The following DGKH variants were observed in gnomAD, a reference collection of about 807,000 sequenced individuals.
The protein encoded by DGKH is diacylglycerol kinase eta.
Under a neutral mutation model 159.3 loss-of-function variants are expected in DGKH, and 90 were observed. The observed-to-expected ratio is 0.57, with a 90% CI of 0.48 to 0.67. The LOEUF (loss-of-function observed/expected upper bound fraction) is 0.67, where lower values mean the gene tolerates loss of function less well. DGKH is among the 30% of genes least tolerant of loss of function. The probability of loss-of-function intolerance (pLI) is 0.00; values close to 1 mark genes in which losing one functional copy is unlikely to be tolerated. For synonymous variants in DGKH, 536 were observed against 553.8 expected (o/e 0.97, Z 0.45); for missense variants, 1,181 against 1,506.1 (o/e 0.78, Z 3.57).
At chr13:42,201,300 C>T (rs1239139896) in intron 20 of DGKH, among the ~76,000 whole-genome samples, 1 of 152,030 alleles carries the variant, frequency 6.6e-6, no homozygotes, top group African/African-American at 2.4e-5. Context: ...TTGGCCACAC[C>T]CAAGGACACA....
intron 1 of DGKH, among the ~76,000 whole-genome samples, chr13:42,113,741 C>T (rs1455659733): frequency 6.6e-6 from 1 of 152,086 alleles, no homozygotes; most frequent in Non-Finnish European, 1.5e-5. Flanking sequence ...GAGGAGCAGT[C>T]ATTGCTGAGA....
intron 29 of DGKH, among the ~76,000 whole-genome samples, chr13:42,249,513 CTT>C (rs1191412765): frequency 6.6e-6 from 1 of 152,164 alleles, no homozygotes; most frequent in African/African-American, 2.4e-5. Flanking sequence ...GGTCAGCAAA[CTT>C]TTTACGTAAA....
rs1954580623 is a variant in DGKH at position 42,098,115 on chromosome 13, A to G, written c.193-29348A>G. Among the ~76,000 whole-genome samples the G allele has an allele frequency of 2.0e-5, 3 of 152,218 alleles. No individual in the cohort carries two copies. In the South Asian group the frequency reaches 6.2e-4, roughly 32 times the overall value. On this transcript the variant is annotated intron_variant, in intron 1 of 29. Coordinates refer to ENST00000337343, the MANE Select transcript of DGKH (RefSeq NM_178009.5). ...TGGGAATGAGTAGAGCTAAAAGCCT[A>G]CACTCATTAAGGTGTTTTTAATTAG...
rs1594104885 is a variant in DGKH, at chr13:42,152,944, T to A, written c.385-2347T>A. Among the ~76,000 whole-genome samples the A allele has an allele frequency of 2.0e-5, 3 of 152,058 alleles. No individual in the cohort carries two copies. The South Asian group carries it at 6.2e-4, about 32-fold the overall frequency. ...CCAGCCCCACGGTAGCATCTGGGGG[T>A]GTGTTACAATTAATGCTCTTTTAGC... is the stretch of plus-strand genomic sequence containing the variant. On this transcript the variant is annotated intron_variant, in intron 3 of 29. Transcript: ENST00000337343.
At chr13:42,203,205 C>T (rs1594199973) in intron 20 of DGKH, among the ~76,000 whole-genome samples, 1 of 152,124 alleles carries the variant, frequency 6.6e-6, no homozygotes, top group East Asian at 1.9e-4. Flanking sequence ...ATGAAGTTTA[C>T]TGTGTGCCTT....
rs1189506463 is a variant in DGKH, at chr13:42,209,119, G to A, written c.2715+47G>A. ...TGACTGCACTTCTTGGGCTAAGGAG[G>A]GTTGAAGGAATCTATTCTAAACAAC... On this transcript the variant is annotated intron_variant, in intron 22 of 29. Transcript: ENST00000337343. The A allele has an allele frequency of 2.6e-6, 4 of 1,540,780 alleles. No homozygotes were observed. In the African/African-American group the frequency reaches 5.5e-5, roughly 21 times the overall value.
At chr13:42,040,645 C>G (rs1395184505) in intron 1 of DGKH, among the ~76,000 whole-genome samples, 1 of 150,208 alleles carries the variant, frequency 6.7e-6, no homozygotes, top group Admixed American at 6.6e-5. Flanking sequence ...GGAGCGGGAC[C>G]GTGGAGAAGG....
intron 3 of DGKH, among the ~76,000 whole-genome samples, chr13:42,151,478 G>GGTGTGT (rs143470293): frequency 0.018 from 2,284 of 126,270 alleles, 59 homozygotes; most frequent in East Asian, 0.082. Flanking sequence ...AGTATTCCAT[G>GGTGTGT]GTGTGTGTGT....
At chr13:42,127,409 A>C in intron 1 of DGKH, 54 bp from the exon 2 acceptor site, 1 of 1,318,882 alleles carries the variant, frequency 7.6e-7, no homozygotes, top group South Asian at 1.2e-5. Flanking sequence ...TCTGAATTTC[A>C]TTTGGTTTTG....
At chr13:42,214,392 C>T in intron 24 of DGKH, 115 bp from the exon 25 acceptor site, 1 of 932,378 alleles carries the variant, frequency 1.1e-6, no homozygotes, top group Non-Finnish European at 1.6e-6. Context: ...AAGTGTTCTT[C>T]CATACTGATC....
chr13:42,134,280 C>T (rs1259719989), intron 3 of DGKH, among the ~76,000 whole-genome samples: 1 of 152,136 alleles, frequency 6.6e-6, no homozygotes, highest in African/African-American at 2.4e-5. Context: ...AGCCAGGCTT[C>T]AAGGGGGGCC....
In DGKH at chr13:42,048,875, G is replaced by T; in HGVS notation, c.102G>T (p.Pro34=). Residue 34 remains proline (P), a synonymous_variant, in exon 1 of 30, where the codon CCG becomes CCT. Coordinates refer to ENST00000337343, the MANE Select transcript of DGKH (RefSeq NM_178009.5). The surrounding 1 kb of genome is among the most constrained non-coding windows in gnomAD (Gnocchi z 6.7). ...CCTCCGCCGCTGCCTCGGCGGGGCC[G>T]GGAGAGGATTCGTCTGACAGCGAAG... The part of the protein sequence containing the change: ...AVTSAAASAG[P]GEDSSDSEAE... The T allele has an allele frequency of 7.3e-7, 1 of 1,375,230 alleles. No individual in the cohort carries two copies. Among genetic ancestry groups the T allele is most frequent in the Non-Finnish European group, 9.4e-7 (1 of 1,059,764 alleles). The allele number at this position is 1,375,230 out of a possible 1,614,324, so 85.2% of individuals were successfully genotyped here.
upstream of DGKH, among the ~76,000 whole-genome samples, chr13:42,044,514 C>T (rs1429126581): frequency 6.6e-6 from 1 of 152,164 alleles, no homozygotes; most frequent in Non-Finnish European, 1.5e-5. Flanking sequence ...TGGTCTCGAT[C>T]TCCTGACCTC....
Position 42,170,241 on chromosome 13 carries a change from C to G in DGKH, c.1367+1423C>G, listed in dbSNP as rs147238988. On this transcript the variant is annotated intron_variant, in intron 11 of 29. Transcript: ENST00000337343. The stretch of plus-strand genomic sequence containing the variant: ...CTACCCTGGGTATGTGCTTTCCCCT[C>G]GTGTGCTATAGAAATTCACTTCTCA... Among the ~76,000 whole-genome samples, 101 of 152,202 alleles carry G rather than the reference C, an allele frequency of 6.6e-4. 1 individual carries two copies. Among genetic ancestry groups the G allele is most frequent in the Non-Finnish European group, 1.1e-3 (72 of 68,010 alleles).
chr13:42,220,005 A>G (rs1221611710), intron 28 of DGKH, among the ~76,000 whole-genome samples: 1 of 152,190 alleles, frequency 6.6e-6, no homozygotes, highest in Non-Finnish European at 1.5e-5. Flanking sequence ...GAATCCTCTC[A>G]TACCTAAAAC....
rs755795240 is a variant in DGKH, at chr13:42,049,052, C to CGGGAAGGCGGGGAAGGCG, written c.192+155_192+172dup. 44 of 911,338 alleles carry CGGGAAGGCGGGGAAGGCG rather than the reference C, an allele frequency of 4.8e-5. No homozygotes were observed. The Admixed American group carries it at 8.0e-4, about 17-fold the overall frequency. 56.5% of individuals were successfully genotyped at this position (911,338 alleles called of 1,614,324 possible). A position where few individuals can be genotyped will look rare whatever the true frequency, so the allele number is the denominator to read the frequency against. ...GGCGCTGGAACGCGCCGGGCGATCC[C>CGGGAAGGCGGGGAAGGCG]GGGAAGGCGGGGAAGGCGGGGAAGG... On this transcript the variant is annotated intron_variant, in intron 1 of 29. Transcript: ENST00000337343.
intron 11 of DGKH, 96 bp from the exon 12 acceptor site, chr13:42,173,942 TGTGTGTGTGTGTGTGTGCGTGC>T: frequency 3.3e-6 from 1 of 298,874 alleles, no homozygotes; most frequent in Non-Finnish European, 6.0e-6. Context: ...AGTTCATGAA[TGTGTGTGTGTGTGTGTGCGTGC>T]GTGTGTGTGT....
At chr13:42,244,450 G>A (rs12870124), downstream of DGKH, among the ~76,000 whole-genome samples, 3 of 152,192 alleles carry the variant, frequency 2.0e-5, no homozygotes, top group Non-Finnish European at 4.4e-5. Context: ...AAAACAGAAA[G>A]GGCAAGTCCT....
chr13:42,103,299 C>T (rs963570197), intron 1 of DGKH, among the ~76,000 whole-genome samples: 10 of 152,138 alleles, frequency 6.6e-5, no homozygotes, highest in African/African-American at 2.2e-4. Context: ...TAATTAAACA[C>T]GTTTCTTCCA....
Sources: allele counts gnomAD v4.1 joint callset (sites outside exome capture counted in the v4.1 genomes callset), GRCh38; gene constraint gnomAD v4.1.1; non-coding constraint Gnocchi (gnomAD v3.1); transcripts MANE v1.5; gene names NCBI Gene and HGNC (gene_info 2026-07-23, HGNC 2026-07-21).